TASP1: variants seen among roughly 807,000 people sequenced by gnomAD.
TASP1 encodes the protein taspase 1, also known as threonine aspartase 1.
TASP1 carries 16 observed loss-of-function variants against 56.6 expected under a neutral mutation model. The ratio of observed to expected loss-of-function variants is 0.28; its 90% CI spans 0.19 to 0.43. The LOEUF (loss-of-function observed/expected upper bound fraction) is 0.43. TASP1 is among the 20% of genes least tolerant of loss of function. The pLI is 1.00. For synonymous variants in TASP1, 179 were observed against 184.2 expected (o/e 0.97, Z 0.23); for missense variants, 393 against 511.6 (o/e 0.77, Z 2.24).
the TASP1 span, among the ~76,000 whole-genome samples, chr20:13,179,494 T>C: frequency 1.3e-5 from 2 of 151,080 alleles, no homozygotes; most frequent in Non-Finnish European, 2.9e-5. Context: ...ACCAACATAC[T>C]GGAATAACTC....
chr20:13,435,182 T>G (rs1430535331), intron 11 of TASP1, 28 bp from the exon 12 acceptor site: 2 of 1,474,400 alleles, frequency 1.4e-6, no homozygotes, highest in African/African-American at 2.8e-5. Flanking sequence ...GTAGTTATTT[T>G]TCAGTGAATT....
chr20:13,519,740 C>T (rs958327710), intron 10 of TASP1, among the ~76,000 whole-genome samples: 9 of 152,158 alleles, frequency 5.9e-5, no homozygotes, highest in African/African-American at 2.2e-4. Context: ...CTCACCACTC[C>T]TATTTAACAT....
intron 4 of TASP1, chr20:13,616,993 T>C (rs2048546671): frequency 4.4e-6 from 2 of 451,130 alleles, no homozygotes; most frequent in Non-Finnish European, 8.9e-6. Context: ...TGCGTACAGC[T>C]CTTCAGGATA....
the TASP1 span, among the ~76,000 whole-genome samples, chr20:13,286,144 C>T: frequency 2.6e-5 from 4 of 152,018 alleles, no homozygotes; most frequent in African/African-American, 4.8e-5. Flanking sequence ...GCTGTTATTC[C>T]CTTTAACAAA....
chr20:13,549,361 A>G (rs2045905115), intron 8 of TASP1, among the ~76,000 whole-genome samples: 1 of 152,102 alleles, frequency 6.6e-6, no homozygotes, highest in South Asian at 2.1e-4. Context: ...TTTTCCATCA[A>G]CCTAATTAAG....
At chr20:13,463,178 C>T (rs900755384) in intron 11 of TASP1, among the ~76,000 whole-genome samples, 3 of 151,996 alleles carry the variant, frequency 2.0e-5, no homozygotes, top group Non-Finnish European at 4.4e-5. Flanking sequence ...ACATATAGAT[C>T]GATGGAATAG....
chr20:13,176,518 A>G, the TASP1 span, among the ~76,000 whole-genome samples: 3 of 152,168 alleles, frequency 2.0e-5, no homozygotes, highest in Non-Finnish European at 4.4e-5. Context: ...TGTTTATTGA[A>G]TTGCATATGC....
chr20:13,105,019 C>T, the TASP1 span, among the ~76,000 whole-genome samples: 25 of 151,948 alleles, frequency 1.6e-4, no homozygotes, highest in Admixed American at 8.5e-4. Context: ...AAAAAAAATC[C>T]CTTGCAGATG....
At chr20:13,516,670 T>G (rs887699858) in intron 10 of TASP1, among the ~76,000 whole-genome samples, 60 of 151,726 alleles carry the variant, frequency 4.0e-4, no homozygotes, top group African/African-American at 1.4e-3. Context: ...TTTTTTTTTT[T>G]TTTTTTTTTA....
chr20:13,295,683 C>G, the TASP1 span, among the ~76,000 whole-genome samples: 1 of 152,196 alleles, frequency 6.6e-6, no homozygotes, highest in Admixed American at 6.5e-5. Context: ...GCTTTCAGAT[C>G]GAGGTGCATG....
At chr20:13,515,886 A>C (rs1246790849) in intron 10 of TASP1, among the ~76,000 whole-genome samples, 1 of 152,136 alleles carries the variant, frequency 6.6e-6, no homozygotes, top group Non-Finnish European at 1.5e-5. Flanking sequence ...TGTACCTCAC[A>C]GTCATTTAAG....
At chr20:13,620,237 C>G (rs2048659603) in intron 4 of TASP1, among the ~76,000 whole-genome samples, 1 of 149,696 alleles carries the variant, frequency 6.7e-6, no homozygotes, top group Non-Finnish European at 1.5e-5. Context: ...TCCCTTTACT[C>G]TGTGTGTGTG....
chr20:13,411,006 T>C (rs905254512), intron 13 of TASP1, among the ~76,000 whole-genome samples: 1 of 152,174 alleles, frequency 6.6e-6, no homozygotes, highest in African/African-American at 2.4e-5. Context: ...GATTTTTATA[T>C]ATGAAGAGAG....
chr20:13,636,467 G>C (rs557133107), intron 1 of TASP1, among the ~76,000 whole-genome samples: 1 of 151,828 alleles, frequency 6.6e-6, no homozygotes, highest in African/African-American at 2.4e-5. Context: ...GCCTTGTGTT[G>C]TTGCTTTTAA....
chr20:13,215,649 G>T, the TASP1 span, among the ~76,000 whole-genome samples: 1 of 152,208 alleles, frequency 6.6e-6, no homozygotes, highest in East Asian at 1.9e-4. Flanking sequence ...CTCCAGCCTT[G>T]TTCTGGGGAA....
At chr20:13,221,778 T>C in the TASP1 span, 8 of 1,447,384 alleles carry the variant, frequency 5.5e-6, no homozygotes, top group African/African-American at 1.5e-5. Flanking sequence ...CTCAAAAGGA[T>C]GGTGCGCCTG....
the TASP1 span, among the ~76,000 whole-genome samples, chr20:13,292,923 G>A: frequency 2.0e-5 from 3 of 152,074 alleles, no homozygotes; most frequent in South Asian, 4.2e-4. Context: ...CGGGCCAGGC[G>A]CGGTGGGTCA....
intron 10 of TASP1, among the ~76,000 whole-genome samples, chr20:13,497,800 G>A (rs2043788569): frequency 1.3e-5 from 2 of 152,200 alleles, no homozygotes; most frequent in South Asian, 2.1e-4. Context: ...ATAGACCAGT[G>A]GAACAGAATA....
chr20:13,405,059 G>A (rs970613840), intron 13 of TASP1, among the ~76,000 whole-genome samples: 55 of 152,048 alleles, frequency 3.6e-4, no homozygotes, highest in Non-Finnish European at 7.1e-4. Flanking sequence ...ACAAATAAGG[G>A]TGTTCTTATT....
Sources: gnomAD v4.1 joint callset for allele counts (sites outside exome capture counted in the v4.1 genomes callset) on GRCh38, gnomAD v4.1.1 for gene constraint, MANE v1.5 for transcripts, NCBI Gene and HGNC (gene_info 2026-07-23, HGNC 2026-07-21) for gene names.